Variants in ZBTB20 observed in about 807,000 individuals in gnomAD.
ZBTB20 encodes zinc finger and BTB domain-containing protein 20.
In ZBTB20, 9 loss-of-function variants were observed where a neutral mutation model predicts 56.9. The observed-to-expected ratio is 0.16, with a 90% CI of 0.10 to 0.28. The LOEUF (loss-of-function observed/expected upper bound fraction) is 0.28, where lower values mean the gene tolerates loss of function less well. ZBTB20 is among the 10% of genes least tolerant of loss of function. The pLI is 1.00. For synonymous variants in ZBTB20, 417 were observed against 420.7 expected, an observed-to-expected ratio of 0.99 and a Z score of 0.11; for missense variants, 655 against 1,003.0, an observed-to-expected ratio of 0.65 and a Z score of 4.69.
At chr3:114,648,207 A>C (rs546993159) in intron 6 of ZBTB20, among the ~76,000 whole-genome samples, 28 of 151,852 alleles carry the variant, frequency 1.8e-4, no homozygotes, top group South Asian at 6.2e-4. Flanking sequence ...CATTACTAGT[A>C]GGCATTGTAG....
intron 4 of ZBTB20, among the ~76,000 whole-genome samples, chr3:114,802,884 A>G (rs2108846906): frequency 6.6e-6 from 1 of 152,068 alleles, no homozygotes; most frequent in South Asian, 2.1e-4. Flanking sequence ...CTGAATATTT[A>G]CATATAAACA....
intron 4 of ZBTB20, among the ~76,000 whole-genome samples, chr3:114,824,359 A>C (rs989286450): frequency 6.6e-6 from 1 of 151,948 alleles, no homozygotes; most frequent in African/African-American, 2.4e-5. Context: ...TATCAATATA[A>C]CCAGTTGATA....
chr3:114,630,773 T>C (rs1472396597), intron 6 of ZBTB20, among the ~76,000 whole-genome samples: 1 of 151,992 alleles, frequency 6.6e-6, no homozygotes, highest in Admixed American at 6.6e-5. Context: ...ATTTAAAGAA[T>C]CCAGATACAT....
At chr3:114,419,636 T>C (rs1369691934) in intron 7 of ZBTB20, among the ~76,000 whole-genome samples, 1 of 152,076 alleles carries the variant, frequency 6.6e-6, no homozygotes, top group Non-Finnish European at 1.5e-5. Context: ...TTTTAATTAT[T>C]TTACAGGATT....
intron 2 of ZBTB20, among the ~76,000 whole-genome samples, chr3:115,052,729 T>A (rs923999784): frequency 2.6e-5 from 4 of 152,140 alleles, no homozygotes; most frequent in African/African-American, 9.7e-5. Flanking sequence ...AGTTTTGTTA[T>A]AATGTTTGAG....
chr3:114,640,269 A>G (rs946081608), intron 6 of ZBTB20, among the ~76,000 whole-genome samples: 4 of 152,052 alleles, frequency 2.6e-5, no homozygotes, highest in African/African-American at 9.7e-5. Context: ...AAGCTATCCA[A>G]AAACTACAGG....
intron 6 of ZBTB20, among the ~76,000 whole-genome samples, chr3:114,546,485 G>A (rs946222013): frequency 2.0e-5 from 3 of 151,736 alleles, no homozygotes; most frequent in Non-Finnish European, 4.4e-5. Context: ...CAAGCATTCT[G>A]AAGGTTCTAG....
chr3:115,021,064 T>C (rs1279662711), intron 2 of ZBTB20, among the ~76,000 whole-genome samples: 9 of 151,124 alleles, frequency 6.0e-5, no homozygotes, highest in Non-Finnish European at 1.3e-4. Flanking sequence ...TAGTTACTTC[T>C]TTAACTTTTA....
chr3:114,528,682 G>C (rs2110007394), intron 6 of ZBTB20: 1 of 152,260 alleles, frequency 6.6e-6, no homozygotes, highest in Middle Eastern at 3.4e-3. Flanking sequence ...TTCTGGCTTT[G>C]ACAGTGACTC....
At chr3:114,379,188 A>C (rs2084018886) in intron 10 of ZBTB20, 2 of 152,198 alleles carry the variant, frequency 1.3e-5, no homozygotes, top group South Asian at 4.1e-4. Flanking sequence ...ATTTCCTAAT[A>C]ATTTTTGTCT....
intron 4 of ZBTB20, among the ~76,000 whole-genome samples, chr3:114,862,497 C>A (rs2075580017): frequency 1.3e-5 from 2 of 151,892 alleles, no homozygotes; most frequent in South Asian, 4.1e-4. Flanking sequence ...AATAAACATC[C>A]TTGAAAATAG....
intron 3 of ZBTB20, among the ~76,000 whole-genome samples, chr3:114,959,299 T>G (rs529117419): frequency 6.6e-6 from 1 of 152,178 alleles, no homozygotes; most frequent in South Asian, 2.1e-4. Flanking sequence ...ATGAAGAATA[T>G]CCTCCTTTAC....
chr3:114,460,184 A>G (rs901131921), intron 7 of ZBTB20, among the ~76,000 whole-genome samples: 4 of 152,076 alleles, frequency 2.6e-5, no homozygotes, highest in African/African-American at 9.7e-5. Flanking sequence ...TTTTTTGGAC[A>G]TATTTTACTG....
At chr3:114,610,446 C>T (rs2057465379) in intron 6 of ZBTB20, among the ~76,000 whole-genome samples, 1 of 152,178 alleles carries the variant, frequency 6.6e-6, no homozygotes, top group South Asian at 2.1e-4. Flanking sequence ...TTTCCAAACA[C>T]CCTTTCTCTA....
At chr3:114,860,990 C>T (rs17627599) in intron 4 of ZBTB20, among the ~76,000 whole-genome samples, 3,641 of 150,790 alleles carry the variant, frequency 0.024, 51 homozygotes, top group South Asian at 0.051. Context: ...CTATGTCTGG[C>T]TTTTCAGTAT....
chr3:114,871,330 A>C (rs1238596186), intron 4 of ZBTB20, among the ~76,000 whole-genome samples: 3 of 152,154 alleles, frequency 2.0e-5, no homozygotes, highest in Non-Finnish European at 2.9e-5. Flanking sequence ...CCCCAAATGC[A>C]GAGCTCTGCT....
rs1477120319 is a variant in ZBTB20 at position 114,337,177 on chromosome 3, C to T, written c.*1828G>A. 2.0e-5 allele frequency: 3 copies of T among 152,186 alleles called. No homozygotes were observed. The highest frequency in any genetic ancestry group is 4.8e-5 in the African/African-American group (2 of 41,440). The allele number at this position is 152,186 out of a possible 1,614,324, so 9.4% of individuals were successfully genotyped here. ...AATTCGTCATCTAAAGAATGATCAT[C>T]TTATTCAGCCCTCTTAACCATGGTG... is the stretch of plus-strand genomic sequence containing the variant. On this transcript the variant is annotated 3_prime_UTR_variant, in exon 12 of 12. Coordinates refer to ENST00000675478, the MANE Select transcript of ZBTB20 (RefSeq NM_001348800.3).
intron 2 of ZBTB20, among the ~76,000 whole-genome samples, chr3:115,016,160 ATTGT>A (rs1471969256): frequency 1.3e-5 from 2 of 151,258 alleles, no homozygotes; most frequent in African/African-American, 4.9e-5. Context: ...TTTTAATGGG[ATTGT>A]TTGTTTTTTC....
At chr3:114,357,149 G>T (rs888091282) in intron 10 of ZBTB20, 5 of 152,152 alleles carry the variant, frequency 3.3e-5, no homozygotes, top group African/African-American at 1.2e-4. Flanking sequence ...CCCAATAAAG[G>T]TTCTCCTCTA....
Sources: allele counts gnomAD v4.1 joint callset (sites outside exome capture counted in the v4.1 genomes callset), GRCh38; gene constraint gnomAD v4.1.1; transcripts MANE v1.5; gene names NCBI Gene and HGNC (gene_info 2026-07-23, HGNC 2026-07-21).